Variants in CCDC150 observed in about 807,000 individuals in gnomAD.
CCDC150 encodes coiled-coil domain-containing protein 150.
Under a neutral mutation model 156.5 loss-of-function variants are expected in CCDC150, and 151 were observed. That is an observed-to-expected ratio of 0.97 (90% CI 0.85 to 1.10). The LOEUF is 1.10. CCDC150 is among the 50% of genes least tolerant of loss of function. The pLI is 0.00. For synonymous variants in CCDC150, 452 were observed against 429.4 expected (o/e 1.05, Z -0.65); for missense variants, 1,312 against 1,268.1 (o/e 1.03, Z -0.53).
At chr2:196,730,988 A>G in intron 26 of CCDC150, 43 bp downstream of exon 26, 6 of 1,469,068 alleles carry the variant, frequency 4.1e-6, no homozygotes, top group Non-Finnish European at 5.6e-6. Context: ...CGTTTCCTTC[A>G]ACACAGCAAC....
Position 196,641,547 on chromosome 2 carries a change from A to G in CCDC150, c.12+1769A>G, listed in dbSNP as rs537753972. 1.2e-4 allele frequency among the ~76,000 whole-genome samples: 18 copies of G among 152,036 alleles called. No homozygotes were observed. In the South Asian group the frequency reaches 3.7e-3, roughly 32 times the overall value. ...TAGCCTCCATACCATGTTCTTTCCT[A>G]TTTCATTTTCCTCCTTTGCACTTAT... On this transcript the variant is annotated intron_variant, in intron 1 of 27. Coordinates refer to ENST00000389175, the MANE Select transcript of CCDC150 (RefSeq NM_001080539.2).
chr2:196,644,879 C>T (rs936163024), intron 1 of CCDC150, among the ~76,000 whole-genome samples: 3 of 151,712 alleles, frequency 2.0e-5, no homozygotes, highest in Non-Finnish European at 2.9e-5. Flanking sequence ...CTTTGGGAGA[C>T]TGAGGCTGGC....
intron 14 of CCDC150, among the ~76,000 whole-genome samples, chr2:196,696,200 CTG>C (rs1695817016): frequency 6.6e-6 from 1 of 151,992 alleles, no homozygotes; most frequent in Admixed American, 6.6e-5. Context: ...AATGCTATAA[CTG>C]TGGATGTTTG....
At chr2:196,712,343 C>A in intron 16 of CCDC150, 91 bp downstream of exon 16, 2 of 675,088 alleles carry the variant, frequency 3.0e-6, no homozygotes, top group Non-Finnish European at 4.8e-6. Flanking sequence ...CCACACAATC[C>A]CAGAAAGATA....
rs1480669325 is a variant in CCDC150 at position 196,712,722 on chromosome 2, G to A, written c.1849G>A (p.Asp617Asn). 6.2e-7 allele frequency: 1 copy of A among 1,610,922 alleles called. No individual in the cohort carries two copies. The change falls in exon 17 of 28, where the codon GAT becomes AAT. Residue 617 changes from aspartate (D) to asparagine (N), a missense_variant. Asp to Asn is a conservative substitution (Grantham distance 23). Transcript: ENST00000389175. ...CAAGAGGGTACACCTGCAGCAGGCAGATGCTCACCTGAAAGAAGTATTGGT... is the reference window on the plus strand; with the variant it reads ...CAAGAGGGTACACCTGCAGCAGGCAAATGCTCACCTGAAAGAAGTATTGGT... ...SAKRVHLQQADAHLKEVKSIL... is the reference protein window; with the variant it reads ...SAKRVHLQQANAHLKEVKSIL...
At chr2:196,679,317 A>G (rs1694682606) in intron 13 of CCDC150, among the ~76,000 whole-genome samples, 2 of 152,196 alleles carry the variant, frequency 1.3e-5, no homozygotes, top group South Asian at 2.1e-4. Context: ...TTTGTAATCA[A>G]TGCCTTCTTC....
chr2:196,669,666 T>G (rs544471469), intron 7 of CCDC150, among the ~76,000 whole-genome samples, 167 bp from the exon 8 acceptor site: 1 of 152,316 alleles, frequency 6.6e-6, no homozygotes, highest in South Asian at 2.1e-4. Flanking sequence ...GTGGACTAGT[T>G]TCTTGGTAAT....
chr2:196,656,952 T>C lies in CCDC150; in HGVS notation c.398-6T>C. 6.2e-7 allele frequency: 1 copy of C among 1,613,250 alleles called. No individual in the cohort carries two copies. The highest frequency in any genetic ancestry group is 1.7e-5 in the Admixed American group (1 of 59,844). On this transcript the variant is annotated splice_polypyrimidine_tract_variant and splice_region_variant and intron_variant, in intron 3 of 27. Coordinates refer to ENST00000389175, the MANE Select transcript of CCDC150 (RefSeq NM_001080539.2). ...TGCTTGATGCCCCTCCTGTGCGGTC[T>C]GGTAGCTTTTCTGAAAGATCGACTG... is the stretch of plus-strand genomic sequence containing the variant.
At chr2:196,688,262 T>A (rs1695232393) in intron 13 of CCDC150, among the ~76,000 whole-genome samples, 2 of 152,216 alleles carry the variant, frequency 1.3e-5, no homozygotes, top group African/African-American at 2.4e-5. Flanking sequence ...TTTGTTAATG[T>A]CATCTCTCAT....
At chr2:196,672,537 A>G (rs763235539) in intron 9 of CCDC150, 100 bp downstream of exon 9, 4 of 545,022 alleles carry the variant, frequency 7.3e-6, no homozygotes, top group Non-Finnish European at 6.2e-6. Flanking sequence ...AATTCATACC[A>G]TCTCCATCAC....
chr2:196,686,726 C>A (rs1251382173), intron 13 of CCDC150, among the ~76,000 whole-genome samples: 1 of 151,864 alleles, frequency 6.6e-6, no homozygotes, highest in Non-Finnish European at 1.5e-5. Flanking sequence ...TATTTCATCA[C>A]CCAGATATTA....
intron 8 of CCDC150, 121 bp from the exon 9 acceptor site, chr2:196,672,224 G>A (rs1307977563): frequency 2.2e-6 from 1 of 445,568 alleles, no homozygotes; most frequent in East Asian, 3.6e-5. Context: ...CATTTATAAA[G>A]TTCCAGTGTA....
In CCDC150 at chr2:196,695,108, A is replaced by G. The variant is rs752055842; in HGVS notation, c.1572A>G (p.Ala524=). 1 of 1,613,036 alleles carries G rather than the reference A, an allele frequency of 6.2e-7. No individual in the cohort carries two copies. Among genetic ancestry groups the G allele is most frequent in the Non-Finnish European group, 8.5e-7 (1 of 1,179,254 alleles). Residue 524 remains alanine, a synonymous_variant, in exon 14 of 28, where the codon GCA becomes GCG. Coordinates refer to ENST00000389175, the MANE Select transcript of CCDC150 (RefSeq NM_001080539.2). ...TTGAAGAAGAGAATAAGCACCTGGC[A>G]GATCAAATGGCTTCCCTAGAACTTC... ...QTLEEENKHL[A]DQMASLELQQ...
In CCDC150 at chr2:196,656,939, C is replaced by T. The variant is rs1217969921; in HGVS notation, c.398-19C>T. 6.2e-7 allele frequency: 1 copy of T among 1,612,746 alleles called. No homozygotes were observed. The highest frequency in any genetic ancestry group is 2.2e-5 in the East Asian group (1 of 44,834). The stretch of plus-strand genomic sequence containing the variant: ...ACCTTCTTTCTGCTGCTTGATGCCC[C>T]TCCTGTGCGGTCTGGTAGCTTTTCT... On this transcript the variant is annotated intron_variant, in intron 3 of 27. Coordinates refer to ENST00000389175, the MANE Select transcript of CCDC150 (RefSeq NM_001080539.2).
At chr2:196,686,589 A>C (rs922546641) in intron 13 of CCDC150, among the ~76,000 whole-genome samples, 2 of 152,086 alleles carry the variant, frequency 1.3e-5, no homozygotes. Context: ...GTTGTCGTGC[A>C]ATAGAGAGTA....
intron 21 of CCDC150, among the ~76,000 whole-genome samples, chr2:196,723,315 A>G (rs1283565079): frequency 1.3e-5 from 2 of 152,208 alleles, no homozygotes; most frequent in African/African-American, 4.8e-5. Context: ...ATCCTGGCCA[A>G]CATGGTGAAA....
In CCDC150 at chr2:196,676,007, TA is replaced by T. The variant is rs531141738; in HGVS notation, c.1138-131del. 123 of 748,234 alleles carry T rather than the reference TA, an allele frequency of 1.6e-4. 1 individual carries two copies. In the South Asian group the frequency reaches 2.2e-3, roughly 14 times the overall value. The allele number at this position is 748,234 out of a possible 1,614,324, so 46.3% of individuals were successfully genotyped here. Reference sequence around the variant, plus strand: ...AACTGGGCATTGAAATAAATTGTTTTAAAAAGAGGTTTTATTTATGTAAATG... The same window carrying T: ...AACTGGGCATTGAAATAAATTGTTTTAAAAGAGGTTTTATTTATGTAAATG... On this transcript the variant is annotated intron_variant, in intron 10 of 27. Transcript: ENST00000389175.
chr2:196,676,863 C>T (rs1694535659), intron 12 of CCDC150, 132 bp downstream of exon 12: 1 of 754,992 alleles, frequency 1.3e-6, no homozygotes, highest in African/African-American at 1.8e-5. Flanking sequence ...AGTAAAGAAT[C>T]TTTAGGTGGC....
intron 27 of CCDC150, 88 bp downstream of exon 27, chr2:196,732,240 A>ACT: frequency 2.1e-6 from 3 of 1,434,392 alleles, no homozygotes; most frequent in Non-Finnish European, 2.9e-6. Context: ...TCATCTCGAT[A>ACT]CTCTCTCTTT....
Sources: allele counts gnomAD v4.1 joint callset (sites outside exome capture counted in the v4.1 genomes callset), GRCh38; gene constraint gnomAD v4.1.1; transcripts MANE v1.5; gene names NCBI Gene and HGNC (gene_info 2026-07-23, HGNC 2026-07-21).